CHODL: variants seen among roughly 807,000 people sequenced by gnomAD.
CHODL encodes the protein transmembrane protein MT75.
In CHODL, 29 loss-of-function variants were observed where a neutral mutation model predicts 34.5. The ratio of observed to expected loss-of-function variants is 0.84; its 90% CI spans 0.63 to 1.15. The LOEUF (loss-of-function observed/expected upper bound fraction) is 1.15. Among genes scored for constraint, CHODL ranks in the 50% most tolerant of loss-of-function variants. CHODL has a pLI of 0.00. For missense variants in CHODL, 332 were observed against 332.5 expected (o/e 1.00, Z 0.01); for synonymous variants, 125 against 116.1 (o/e 1.08, Z -0.49).
chr21:18,099,876 G>T (rs753942681), intron 2 of CHODL: 1 of 152,130 alleles, frequency 6.6e-6, no homozygotes, highest in Non-Finnish European at 1.5e-5. Context: ...GAAGAACAAT[G>T]ACATGAAGCC....
chr21:17,960,600 G>C (rs1297821987), intron 1 of CHODL, among the ~76,000 whole-genome samples: 1 of 152,168 alleles, frequency 6.6e-6, no homozygotes. Context: ...CTCACCAACT[G>C]TCATTCCTGT....
At chr21:18,103,916 CT>C (rs761302956) in intron 2 of CHODL, among the ~76,000 whole-genome samples, 5 of 152,178 alleles carry the variant, frequency 3.3e-5, no homozygotes, top group Non-Finnish European at 5.9e-5. Context: ...GACCTCACCT[CT>C]TAATCTATCA....
intron 1 of CHODL, among the ~76,000 whole-genome samples, chr21:17,958,629 G>C (rs1253711400): frequency 6.6e-6 from 1 of 152,200 alleles, no homozygotes; most frequent in Non-Finnish European, 1.5e-5. Flanking sequence ...GGGATACAAA[G>C]AAGGAAGATT....
chr21:18,072,557 T>C (rs2064818460), intron 2 of CHODL, among the ~76,000 whole-genome samples: 1 of 152,170 alleles, frequency 6.6e-6, no homozygotes, highest in Non-Finnish European at 1.5e-5. Context: ...AAGAGAAATT[T>C]TGATGTTATT....
chr21:18,077,625 T>G lies in CHODL; in HGVS notation c.-45+49654T>G, dbSNP rs2064881909. On this transcript the variant is annotated intron_variant, in intron 2 of 6. Coordinates refer to the CHODL transcript ENST00000400127. ...CTTTCACGGATGAGATTAGTGCCCT[T>G]ACAATAGAGACTCCAGAGAGCTCCT... Among the ~76,000 whole-genome samples the G allele has an allele frequency of 2.0e-5, 3 of 152,244 alleles. No individual in the cohort carries two copies. The South Asian group carries it at 6.2e-4, about 32-fold the overall frequency.
intron 1 of CHODL, among the ~76,000 whole-genome samples, chr21:17,964,044 C>A (rs2146354942): frequency 1.3e-5 from 2 of 152,138 alleles, no homozygotes; most frequent in South Asian, 4.1e-4. Context: ...TATTATTTGT[C>A]TTTGACTGTG....
Position 17,936,834 on chromosome 21 carries a change from G to C in CHODL, c.-145+19434G>C, listed in dbSNP as rs138007691. ...CTCACGCCTTTAATCTCGGCAACGTGGGAGGCTGAGGCGGGCAGATCATGA... is the reference window on the plus strand; with the variant it reads ...CTCACGCCTTTAATCTCGGCAACGTCGGAGGCTGAGGCGGGCAGATCATGA... On this transcript the variant is annotated intron_variant, in intron 1 of 6. Transcript: ENST00000400127. 3.2e-4 allele frequency among the ~76,000 whole-genome samples: 49 copies of C among 152,236 alleles called. No individual in the cohort carries two copies. In the East Asian group the frequency reaches 8.9e-3, roughly 28 times the overall value.
At chr21:18,043,429 T>C (rs1253990451) in intron 2 of CHODL, among the ~76,000 whole-genome samples, 1 of 151,980 alleles carries the variant, frequency 6.6e-6, no homozygotes, top group Non-Finnish European at 1.5e-5. Flanking sequence ...CTTATTTTCA[T>C]TGAGCATCTC....
chr21:18,244,435 A>G (rs34716562), upstream of CHODL, among the ~76,000 whole-genome samples: 481 of 152,344 alleles, frequency 3.2e-3, 3 homozygotes, highest in Admixed American at 7.1e-3. Context: ...TCACCAATCC[A>G]TCTTAAATAG....
intron 1 of CHODL, among the ~76,000 whole-genome samples, chr21:18,025,814 G>C (rs1025099096): frequency 5.9e-5 from 9 of 151,904 alleles, no homozygotes; most frequent in African/African-American, 2.2e-4. Flanking sequence ...CATCTTCCAC[G>C]GTCTTTCCTC....
intron 2 of CHODL, among the ~76,000 whole-genome samples, chr21:18,036,587 T>C (rs1243761525): frequency 2.6e-5 from 4 of 152,052 alleles, no homozygotes; most frequent in African/African-American, 9.7e-5. Context: ...ATAGGTCTTC[T>C]TTTGTTTATT....
chr21:18,054,127 A>C (rs1046938072), intron 2 of CHODL, among the ~76,000 whole-genome samples: 1 of 151,858 alleles, frequency 6.6e-6, no homozygotes, highest in Non-Finnish European at 1.5e-5. Flanking sequence ...GAATTGCAGT[A>C]ATTCTGCTAT....
At chr21:18,116,299 T>TTC (rs147682135) in intron 2 of CHODL, among the ~76,000 whole-genome samples, 1 of 151,616 alleles carries the variant, frequency 6.6e-6, no homozygotes, top group Non-Finnish European at 1.5e-5. Context: ...TTAAACTTAT[T>TTC]TCTCTCTCTC....
At chr21:17,992,139 T>C (rs1397295804) in intron 1 of CHODL, among the ~76,000 whole-genome samples, 2 of 152,196 alleles carry the variant, frequency 1.3e-5, no homozygotes, top group Admixed American at 6.5e-5. Context: ...GCTATGAATA[T>C]ATGGATTTAT....
At chr21:17,965,318 A>G (rs2063563102) in intron 1 of CHODL, among the ~76,000 whole-genome samples, 1 of 152,130 alleles carries the variant, frequency 6.6e-6, no homozygotes, top group South Asian at 2.1e-4. Context: ...TATAAATTCA[A>G]AATTCACCAT....
At chr21:17,939,925 T>A (rs1254530315) in intron 1 of CHODL, among the ~76,000 whole-genome samples, 1 of 152,216 alleles carries the variant, frequency 6.6e-6, no homozygotes, top group Non-Finnish European at 1.5e-5. Flanking sequence ...GTGGAGGGTG[T>A]ACATTGATGC....
At chr21:18,021,384 T>C (rs1229502506) in intron 1 of CHODL, among the ~76,000 whole-genome samples, 1 of 152,184 alleles carries the variant, frequency 6.6e-6, no homozygotes, top group Non-Finnish European at 1.5e-5. Flanking sequence ...ACTGCCCCCA[T>C]ACTCCTGATT....
intron 1 of CHODL, among the ~76,000 whole-genome samples, chr21:17,977,945 C>T (rs1196980066): frequency 1.0e-5 from 1 of 100,398 alleles, no homozygotes. Context: ...GAAAAAGATA[C>T]ATGGAAGGTA....
chr21:18,095,006 C>T (rs1005675515), intron 2 of CHODL, among the ~76,000 whole-genome samples: 3 of 151,780 alleles, frequency 2.0e-5, no homozygotes, highest in African/African-American at 7.3e-5. Flanking sequence ...TGCCTGTAGC[C>T]CCAGCTACTC....
Sources: allele counts gnomAD v4.1 joint callset (sites outside exome capture counted in the v4.1 genomes callset), GRCh38; gene constraint gnomAD v4.1.1; transcripts MANE v1.5; gene names NCBI Gene and HGNC (gene_info 2026-07-23, HGNC 2026-07-21).